Variants in ZDHHC14 observed in about 807,000 individuals in gnomAD.
ZDHHC14 encodes zDHHC palmitoyltransferase 14.
In ZDHHC14, 16 loss-of-function variants were observed where a neutral mutation model predicts 47.7. The ratio of observed to expected loss-of-function variants is 0.34; its 90% CI spans 0.23 to 0.51. The LOEUF is 0.51. Ranked by LOEUF, ZDHHC14 falls within the 20% of genes least tolerant of loss-of-function variation. The probability of loss-of-function intolerance (pLI) is 0.97; values close to 1 mark genes in which losing one functional copy is unlikely to be tolerated. For missense variants in ZDHHC14, 515 were observed against 662.5 expected (o/e 0.78, Z 2.44); for synonymous variants, 293 against 278.9 (o/e 1.05, Z -0.50).
intron 1 of ZDHHC14, among the ~76,000 whole-genome samples, chr6:157,530,468 C>T (rs1210524739): frequency 2.0e-5 from 3 of 152,234 alleles, no homozygotes; most frequent in African/African-American, 7.2e-5. Flanking sequence ...GCAGCCCCAA[C>T]AGCAACCCAA....
intron 1 of ZDHHC14, among the ~76,000 whole-genome samples, chr6:157,437,924 G>A (rs1165896976): frequency 6.6e-6 from 1 of 151,660 alleles, no homozygotes; most frequent in African/African-American, 2.4e-5. Flanking sequence ...AAAAATCCAG[G>A]TTTACTTTCT....
chr6:157,640,681 G>A (rs1777206912), intron 5 of ZDHHC14, among the ~76,000 whole-genome samples: 1 of 152,162 alleles, frequency 6.6e-6, no homozygotes, highest in Admixed American at 6.5e-5. Flanking sequence ...GATACTTCCT[G>A]CTACCCCTAA....
At chr6:157,482,308 T>G (rs2114716928) in intron 1 of ZDHHC14, among the ~76,000 whole-genome samples, 1 of 149,416 alleles carries the variant, frequency 6.7e-6, no homozygotes, top group East Asian at 2.0e-4. Flanking sequence ...TTTCCCAGGC[T>G]GGAGTGCAGT....
chr6:157,431,107 G>A (rs1190712525), intron 1 of ZDHHC14, among the ~76,000 whole-genome samples: 1 of 152,218 alleles, frequency 6.6e-6, no homozygotes, highest in Non-Finnish European at 1.5e-5. Context: ...AGGAACGTGA[G>A]TGTGGGTGGT....
At chr6:157,401,487 G>T (rs1167559707) in intron 1 of ZDHHC14, among the ~76,000 whole-genome samples, 10 of 152,186 alleles carry the variant, frequency 6.6e-5, no homozygotes, top group African/African-American at 1.9e-4. Context: ...CGCACCTGCT[G>T]AGGTCACCCT....
chr6:157,552,704 A>G (rs1782286543), intron 2 of ZDHHC14, among the ~76,000 whole-genome samples: 1 of 152,056 alleles, frequency 6.6e-6, no homozygotes, highest in African/African-American at 2.4e-5. Context: ...CCAGGAGGGG[A>G]CTTAGAGAGC....
intron 1 of ZDHHC14, among the ~76,000 whole-genome samples, chr6:157,534,938 C>T (rs934402100): frequency 1.2e-4 from 19 of 152,184 alleles, no homozygotes; most frequent in African/African-American, 4.6e-4. Context: ...TGATGCACCA[C>T]AATATTCACT....
chr6:157,672,915 GGCCACGCTCGCGGA>G lies in ZDHHC14; in HGVS notation c.1261_1274del (p.Ala421ArgfsTer7). On this transcript the variant is annotated frameshift_variant, in exon 9 of 9. Transcript: ENST00000359775. LOFTEE classifies it high-confidence loss of function. ...CCGCCTCCATGCCCAACCTCGCCGA[GGCCACGCTCGCGGA>G]CGTGATGCCCCGGAAAGATGAGCAC... 6.2e-7 allele frequency: 1 copy of G among 1,604,352 alleles called. No homozygotes were observed. The highest frequency in any genetic ancestry group is 8.5e-7 in the Non-Finnish European group (1 of 1,177,040).
At chr6:157,650,114 C>T (rs1777754874) in intron 7 of ZDHHC14, among the ~76,000 whole-genome samples, 2 of 152,018 alleles carry the variant, frequency 1.3e-5, no homozygotes, top group Admixed American at 1.3e-4. Flanking sequence ...ACTGGGGGTG[C>T]ACGGGAGAGG....
intron 3 of ZDHHC14, among the ~76,000 whole-genome samples, chr6:157,610,170 C>T (rs185776754): frequency 1.6e-3 from 241 of 152,318 alleles, no homozygotes; most frequent in South Asian, 7.0e-3. Context: ...CTGGGCTGGG[C>T]GCAGTGGCTC....
chr6:157,457,278 G>A (rs1239570860), intron 1 of ZDHHC14, among the ~76,000 whole-genome samples: 1 of 152,052 alleles, frequency 6.6e-6, no homozygotes, highest in Non-Finnish European at 1.5e-5. Context: ...AGGGCTTCCA[G>A]CGTGGGCTCT....
chr6:157,467,564 T>C (rs1271332662), intron 1 of ZDHHC14, among the ~76,000 whole-genome samples: 1 of 137,436 alleles, frequency 7.3e-6, no homozygotes, highest in Non-Finnish European at 1.6e-5. Context: ...TATTTATTTA[T>C]TTTGAGATGG....
At chr6:157,547,534 A>G (rs988456726) in intron 2 of ZDHHC14, among the ~76,000 whole-genome samples, 24 of 151,216 alleles carry the variant, frequency 1.6e-4, no homozygotes, top group Admixed American at 4.6e-4. Context: ...CATCAAAGAT[A>G]TCTTAATTCT....
At position 157,586,823 on chromosome 6, in the gene ZDHHC14, C is replaced by A. The variant is rs1213426143; in HGVS notation, c.407-6165C>A. Among the ~76,000 whole-genome samples the A allele has an allele frequency of 1.3e-5, 2 of 152,124 alleles. No individual in the cohort carries two copies. The highest frequency in any genetic ancestry group is 4.8e-5 in the African/African-American group (2 of 41,426). ...ATAAAGAGCTCTCCAAATATTTAGT[C>A]AAAGAGTTTTGGGTTTCGGTTTAAT... On this transcript the variant is annotated intron_variant, in intron 2 of 8. Transcript: ENST00000359775. This position sits in a 1 kb window ranked among gnomAD's most constrained non-coding sequence, Gnocchi z 4.6.
chr6:157,426,282 GAT>G (rs1778216001), intron 1 of ZDHHC14, among the ~76,000 whole-genome samples: 1 of 152,162 alleles, frequency 6.6e-6, no homozygotes, highest in African/African-American at 2.4e-5. Flanking sequence ...GGACAGCTAG[GAT>G]GACCTAAGGA....
intron 1 of ZDHHC14, among the ~76,000 whole-genome samples, chr6:157,488,211 G>A (rs976823038): frequency 8.5e-5 from 13 of 152,164 alleles, no homozygotes; most frequent in African/African-American, 2.4e-4. Context: ...AATTGTAGTG[G>A]GAGGCGGGTA....
intron 1 of ZDHHC14, among the ~76,000 whole-genome samples, chr6:157,433,189 C>T (rs1247596142): frequency 1.3e-5 from 2 of 152,236 alleles, no homozygotes; most frequent in African/African-American, 2.4e-5. Flanking sequence ...CACGATCACT[C>T]TATTTCTTGA....
chr6:157,519,854 C>T lies in ZDHHC14; in HGVS notation c.246-22731C>T, dbSNP rs112760414. On this transcript the variant is annotated intron_variant, in intron 1 of 8. Coordinates refer to ENST00000359775, the MANE Select transcript of ZDHHC14 (RefSeq NM_024630.3). ...TAAAATGCTAACAGACCCGTCCCTA[C>T]CCCAAGGAAGTCAAAGGGTCCTGAT... Among the ~76,000 whole-genome samples, 739 of 152,302 alleles carry T rather than the reference C, an allele frequency of 4.9e-3. 5 individuals carry two copies. The highest frequency in any genetic ancestry group is 0.017 in the African/African-American group (710 of 41,548).
Position 157,628,445 on chromosome 6 carries a change from C to T in ZDHHC14, c.662C>T (p.Thr221Ile). Residue 221 changes from threonine (T) to isoleucine (I), a missense_variant, in exon 4 of 9, where the codon ACA (threonine) becomes ATA (isoleucine). Physicochemically the swap from Thr to Ile is moderately conservative, Grantham distance 89. This residue lies in a region of ZDHHC14 where 229 missense variants were observed against 351.5 expected (regional missense o/e 0.65). Coordinates refer to ENST00000359775, the MANE Select transcript of ZDHHC14 (RefSeq NM_024630.3). ...TTTATTTTATCTCTGTCTTTTCTGA[C>T]AGTCTTTATATTTGCATTCGTTATC... ...YMFILSLSFLTVFIFAFVITH... is the reference protein window; with the variant it reads ...YMFILSLSFLIVFIFAFVITH... 2 of 1,613,044 alleles carry T rather than the reference C, an allele frequency of 1.2e-6. No individual in the cohort carries two copies. The highest frequency in any genetic ancestry group is 2.2e-5 in the East Asian group (1 of 44,840).
Sources: gnomAD v4.1 joint callset for allele counts (sites outside exome capture counted in the v4.1 genomes callset) on GRCh38, gnomAD v4.1.1 for gene constraint, gnomAD v4.1.1 regional missense constraint, Gnocchi (gnomAD v3.1) non-coding constraint, MANE v1.5 for transcripts, NCBI Gene and HGNC (gene_info 2026-07-23, HGNC 2026-07-21) for gene names.